Variants in BRAF observed in about 807,000 individuals in gnomAD.
BRAF encodes the protein serine/threonine-protein kinase B-raf.
Under a neutral mutation model 104.6 loss-of-function variants are expected in BRAF, and 16 were observed. The observed-to-expected ratio is 0.15, with a 90% CI of 0.10 to 0.23. The LOEUF (loss-of-function observed/expected upper bound fraction) is 0.23. Among genes scored for constraint, BRAF ranks in the 10% least tolerant of loss-of-function variants. The pLI is 1.00. For synonymous variants in BRAF, 310 were observed against 341.6 expected (o/e 0.91, Z 1.02); for missense variants, 541 against 937.3 (o/e 0.58, Z 5.52).
At chr7:140,893,167 G>A (rs1321888527) in intron 1 of BRAF, among the ~76,000 whole-genome samples, 1 of 152,002 alleles carries the variant, frequency 6.6e-6, no homozygotes, top group East Asian at 1.9e-4. Context: ...CAACAGATTT[G>A]GTGAACGAGC....
chr7:140,819,414 C>T (rs575745608), intron 3 of BRAF, among the ~76,000 whole-genome samples: 1 of 152,072 alleles, frequency 6.6e-6, no homozygotes, highest in South Asian at 2.1e-4. Flanking sequence ...AAAAACAGAA[C>T]CCTCATGCTC....
At chr7:140,777,156 C>A (rs2129018758) in intron 13 of BRAF, 68 bp from the exon 13 acceptor site, 1 of 1,520,638 alleles carries the variant, frequency 6.6e-7, no homozygotes, top group Non-Finnish European at 9.1e-7. Context: ...CAAAAGAGAA[C>A]CAAAGTAGTC....
intron 1 of BRAF, among the ~76,000 whole-genome samples, chr7:140,921,251 C>A (rs1818190498): frequency 6.6e-6 from 1 of 151,906 alleles, no homozygotes; most frequent in Admixed American, 6.6e-5. Flanking sequence ...TATTTCATAC[C>A]ATATGGCCAT....
At chr7:140,774,016 A>C (rs1800090002) in intron 14 of BRAF, among the ~76,000 whole-genome samples, 1 of 152,254 alleles carries the variant, frequency 6.6e-6, no homozygotes, top group African/African-American at 2.4e-5. Flanking sequence ...CCCTGTTAAT[A>C]AGAGGAGTTT....
chr7:140,786,487 A>G (rs1801370333), intron 9 of BRAF, among the ~76,000 whole-genome samples: 1 of 152,230 alleles, frequency 6.6e-6, no homozygotes, highest in African/African-American at 2.4e-5. Context: ...ACACTTCAAG[A>G]CAGTCTCAAA....
At chr7:140,770,209 TTAAA>T (rs1799707339) in intron 14 of BRAF, among the ~76,000 whole-genome samples, 1 of 152,202 alleles carries the variant, frequency 6.6e-6, no homozygotes, top group African/African-American at 2.4e-5. Flanking sequence ...TTCACTATAA[TTAAA>T]TATTCTTCGG....
downstream of BRAF, among the ~76,000 whole-genome samples, chr7:140,715,580 A>G (rs913761332): frequency 2.0e-5 from 3 of 152,210 alleles, no homozygotes; most frequent in Non-Finnish European, 4.4e-5. Context: ...TAACTTTAAA[A>G]AGAGCATTCT....
At chr7:140,900,770 C>A (rs1377160201) in intron 1 of BRAF, among the ~76,000 whole-genome samples, 1 of 152,160 alleles carries the variant, frequency 6.6e-6, no homozygotes, top group Non-Finnish European at 1.5e-5. Flanking sequence ...ACCATCACAG[C>A]CAGCTAATTT....
rs1231208869 is a variant in BRAF, at chr7:140,723,560, TA to T, written c.*2933del. ...ATTTTCTATTCACAAATCCCTTTTA[TA>T]AACTATTTTTTTGGTCAATATTATT... is the stretch of plus-strand genomic sequence containing the variant. On this transcript the variant is annotated 3_prime_UTR_variant, in exon 20 of 20. Coordinates refer to ENST00000644969, the MANE Select transcript of BRAF (RefSeq NM_001374258.1). 6.0e-5 allele frequency: 63 copies of T among 1,048,776 alleles called. No individual in the cohort carries two copies. Among genetic ancestry groups the T allele is most frequent in the Middle Eastern group, 4.3e-4 (1 of 2,326 alleles). The allele number at this position is 1,048,776 out of a possible 1,614,324, so 65.0% of individuals were successfully genotyped here.
downstream of BRAF, among the ~76,000 whole-genome samples, chr7:140,718,907 G>A (rs746428151): frequency 2.0e-5 from 3 of 152,150 alleles, no homozygotes; most frequent in African/African-American, 7.2e-5. Flanking sequence ...GTTAGCGTGC[G>A]TGTGCTGTGT....
chr7:140,721,754 C>A lies in BRAF; in HGVS notation c.*4740G>T. 1.3e-6 allele frequency: 2 copies of A among 1,496,624 alleles called. No individual in the cohort carries two copies. Among genetic ancestry groups the A allele is most frequent in the Middle Eastern group, 3.4e-4 (2 of 5,828 alleles). The allele number at this position is 1,496,624 out of a possible 1,614,324, so 92.7% of individuals were successfully genotyped here. ...TCTCTTTCAATGGTGAGGAATGAAA[C>A]AAGATACAAGAACCACAGCATGGAA... On this transcript the variant is annotated 3_prime_UTR_variant, in exon 20 of 20. Coordinates refer to ENST00000644969, the MANE Select transcript of BRAF (RefSeq NM_001374258.1).
chr7:140,832,892 G>C (rs76663864), intron 3 of BRAF, among the ~76,000 whole-genome samples: 33 of 78,438 alleles, frequency 4.2e-4, no homozygotes, highest in Middle Eastern at 0.011. Context: ...TTTTTTTTTT[G>C]AGATGGAGTC....
intron 3 of BRAF, chr7:140,823,978 C>T (rs567894861): frequency 5.9e-5 from 9 of 152,288 alleles, no homozygotes; most frequent in African/African-American, 2.2e-4. Flanking sequence ...AATGTCTGTT[C>T]AAGTCCTCTG....
intron 4 of BRAF, chr7:140,808,351 CAAAAAAA>C (rs35843886): frequency 4.4e-3 from 867 of 197,920 alleles, no homozygotes; most frequent in Middle Eastern, 8.6e-3. Flanking sequence ...TCCTGGGGTC[CAAAAAAA>C]AAAAAAAAAA....
intron 1 of BRAF, among the ~76,000 whole-genome samples, chr7:140,898,187 G>C (rs1248795249): frequency 6.6e-6 from 1 of 152,022 alleles, no homozygotes; most frequent in Non-Finnish European, 1.5e-5. Context: ...AGAGTGGGAG[G>C]CTTGCCTCTT....
intron 17 of BRAF, among the ~76,000 whole-genome samples, chr7:140,745,614 C>T (rs781655666): frequency 1.3e-5 from 2 of 152,102 alleles, no homozygotes; most frequent in East Asian, 1.9e-4. Flanking sequence ...CCTGGTGTCT[C>T]GACCCTGTCA....
chr7:140,722,891 A>C lies in BRAF; in HGVS notation c.*3603T>G. The C allele has an allele frequency of 2.8e-6, 3 of 1,055,388 alleles. No homozygotes were observed. Among genetic ancestry groups the C allele is most frequent in the Non-Finnish European group, 2.3e-6 (2 of 873,046 alleles). 65.4% of individuals were successfully genotyped at this position (1,055,388 alleles called of 1,614,324 possible). A position where few individuals can be genotyped will look rare whatever the true frequency, so the allele number is the denominator to read the frequency against. ...TCTGGCACCACTTTCAACAACATTC[A>C]GATATTCCGAGCAACACATTTTTTT... On this transcript the variant is annotated 3_prime_UTR_variant, in exon 20 of 20. Coordinates refer to ENST00000644969, the MANE Select transcript of BRAF (RefSeq NM_001374258.1).
intron 14 of BRAF, among the ~76,000 whole-genome samples, chr7:140,756,282 T>C (rs966114171): frequency 6.6e-6 from 1 of 152,212 alleles, no homozygotes; most frequent in African/African-American, 2.4e-5. Flanking sequence ...AACTGCTTTG[T>C]TAATTTTTAT....
At chr7:140,814,491 C>G (rs192245655) in intron 3 of BRAF, among the ~76,000 whole-genome samples, 2 of 151,866 alleles carry the variant, frequency 1.3e-5, no homozygotes, top group East Asian at 3.9e-4. Context: ...ATGGTGAAAC[C>G]CCATCTCTAT....
Sources: allele counts gnomAD v4.1 joint callset (sites outside exome capture counted in the v4.1 genomes callset), GRCh38; gene constraint gnomAD v4.1.1; transcripts MANE v1.5; gene names NCBI Gene and HGNC (gene_info 2026-07-23, HGNC 2026-07-21).